The following EDC4 variants were observed in gnomAD, a reference collection of about 807,000 sequenced individuals.
The protein encoded by EDC4 is enhancer of mRNA-decapping protein 4.
EDC4 carries 64 observed loss-of-function variants against 155.8 expected under a neutral mutation model. The observed-to-expected ratio is 0.41, with a 90% CI of 0.34 to 0.51. The LOEUF is 0.51. Among genes scored for constraint, EDC4 ranks in the 20% least tolerant of loss-of-function variants. The probability of loss-of-function intolerance (pLI) is 0.19; values close to 1 mark genes in which losing one functional copy is unlikely to be tolerated. For synonymous variants in EDC4, 684 were observed against 716.8 expected, an observed-to-expected ratio of 0.95 and a Z score of 0.73; for missense variants, 1,303 against 1,812.5, an observed-to-expected ratio of 0.72 and a Z score of 5.10.
rs1437022275 is a variant in EDC4 at position 67,883,086 on chromosome 16, C to T, written c.3758C>T (p.Pro1253Leu). The stretch of plus-strand genomic sequence containing the variant: ...GCCATGCGCTCAGCTGCTGGCACAC[C>T]TGTCCCCTCTGCCCACCTTGACTGC... The part of the protein sequence containing the change: ...MQAMRSAAGT[P>L]VPSAHLDCQA... The change falls in exon 27 of 29, where the codon CCT (proline) becomes CTT (leucine). Residue 1253 changes from proline to leucine, a missense_variant. Physicochemically the swap from Pro to Leu is moderately conservative, Grantham distance 98 (BLOSUM62 -3). Around this residue, in one of 5 missense-constraint regions of EDC4, gnomAD observed 527 missense variants for 757.0 expected, o/e 0.70. Coordinates refer to ENST00000358933, the MANE Select transcript of EDC4 (RefSeq NM_014329.5). This position sits in a 1 kb window ranked among gnomAD's most constrained non-coding sequence, Gnocchi z 5.3. 6.2e-7 allele frequency: 1 copy of T among 1,612,490 alleles called. No individual in the cohort carries two copies.
In EDC4 at chr16:67,880,088, C is replaced by T. The variant is rs1270625708; in HGVS notation, c.1969C>T (p.Pro657Ser). 2 of 1,610,186 alleles carry T rather than the reference C, an allele frequency of 1.2e-6. No homozygotes were observed. Among genetic ancestry groups the T allele is most frequent in the Non-Finnish European group, 1.7e-6 (2 of 1,177,776 alleles). The stretch of plus-strand genomic sequence containing the variant: ...GCCACCTGAGGAGCTGACCTTGAGC[C>T]CCAAGCTGCAGCTGGATGGCAGCCT... ...TRPPEELTLS[P>S]KLQLDGSLTM... The change falls in exon 17 of 29, where the codon CCC (proline) becomes TCC (serine). Residue 657 changes from proline (P) to serine (S), a missense_variant. By Grantham distance (74) the Pro-to-Ser change is moderately conservative. Around this residue, in one of 5 missense-constraint regions of EDC4, gnomAD observed 391 missense variants for 445.4 expected, o/e 0.88. Transcript: ENST00000358933. This position sits in a 1 kb window ranked among gnomAD's most constrained non-coding sequence, Gnocchi z 5.2.
In EDC4 at chr16:67,880,226, T is replaced by G; in HGVS notation, c.2097+10T>G. The G allele has an allele frequency of 6.3e-7, 1 of 1,591,596 alleles. No individual in the cohort carries two copies. Among genetic ancestry groups the G allele is most frequent in the South Asian group, 1.1e-5 (1 of 89,080 alleles). On this transcript the variant is annotated intron_variant, in intron 17 of 28. Transcript: ENST00000358933. This position sits in a 1 kb window ranked among gnomAD's most constrained non-coding sequence, Gnocchi z 5.2. ...CAAGGGGCCGGGCCAGGTGTGTGAC[T>G]GGGTGTGTGTGTGAAGTGTGGGGAG...
chr16:67,879,272 GC>G lies in EDC4; in HGVS notation c.1506del (p.Gly503ValfsTer25). The G allele has an allele frequency of 6.2e-7, 1 of 1,614,196 alleles. No homozygotes were observed. Among genetic ancestry groups the G allele is most frequent in the African/African-American group, 1.3e-5 (1 of 75,048 alleles). ...TGGAGCCGGTGCCATGGAGTCTGCG[GC>G]CGGTGTGCTCATCAAGCTCTTTTGT... ...THGAGAMESA[A>X]GVLIKLFCVH... On this transcript the variant is annotated frameshift_variant, in exon 13 of 29. Coordinates refer to ENST00000358933, the MANE Select transcript of EDC4 (RefSeq NM_014329.5). LOFTEE classifies it high-confidence loss of function. The surrounding 1 kb of genome is among the most constrained non-coding windows in gnomAD (Gnocchi z 6.0).
rs775957865 is a variant in EDC4, at chr16:67,879,787, G to C, written c.1821+13G>C. The C allele has an allele frequency of 6.2e-7, 1 of 1,613,608 alleles. No homozygotes were observed. Among genetic ancestry groups the C allele is most frequent in the South Asian group, 1.1e-5 (1 of 91,076 alleles). On this transcript the variant is annotated intron_variant, in intron 15 of 28. Coordinates refer to ENST00000358933, the MANE Select transcript of EDC4 (RefSeq NM_014329.5). The surrounding 1 kb of genome is among the most constrained non-coding windows in gnomAD (Gnocchi z 6.0). ...CTCCTTGCAGCAGGTACTCTCCCAG[G>C]GTAGGGGGACCTGGGAATGCCTCAG...
chr16:67,884,224 G>C lies in EDC4; in HGVS notation c.*76G>C, dbSNP rs929431574. On this transcript the variant is annotated 3_prime_UTR_variant, in exon 29 of 29. Transcript: ENST00000358933. The surrounding 1 kb of genome is among the most constrained non-coding windows in gnomAD (Gnocchi z 4.1). ...CAGGCCTAGGCTGGGGCAGGGTCACGGCTGGCCTTTACCTGCTCAGGCCCC... is the reference window on the plus strand; with the variant it reads ...CAGGCCTAGGCTGGGGCAGGGTCACCGCTGGCCTTTACCTGCTCAGGCCCC... 1 of 1,400,302 alleles carries C rather than the reference G, an allele frequency of 7.1e-7. No individual in the cohort carries two copies. The highest frequency in any genetic ancestry group is 9.6e-7 in the Non-Finnish European group (1 of 1,046,306). 86.7% of individuals were successfully genotyped at this position (1,400,302 alleles called of 1,614,324 possible).
In EDC4 at chr16:67,878,061, C is replaced by T; in HGVS notation, c.895-105C>T. On this transcript the variant is annotated intron_variant, in intron 7 of 28. Transcript: ENST00000358933. The surrounding 1 kb of genome is among the most constrained non-coding windows in gnomAD (Gnocchi z 5.2). ...AACCCTGTTCATTTAGTCAGTCACACAAGCATGCCAGTCCCACCGTGAGTC... is the reference window on the plus strand; with the variant it reads ...AACCCTGTTCATTTAGTCAGTCACATAAGCATGCCAGTCCCACCGTGAGTC... 6.5e-7 allele frequency: 1 copy of T among 1,541,044 alleles called. No homozygotes were observed. The highest frequency in any genetic ancestry group is 8.8e-7 in the Non-Finnish European group (1 of 1,140,856).
In EDC4 at chr16:67,884,198, A is replaced by T; in HGVS notation, c.*50A>T. The T allele has an allele frequency of 6.6e-7, 1 of 1,515,294 alleles. No homozygotes were observed. The highest frequency in any genetic ancestry group is 1.3e-5 in the South Asian group (1 of 79,930). 93.9% of individuals were successfully genotyped at this position (1,515,294 alleles called of 1,614,324 possible). ...GTGGGATGGCACTGAAGGCCAGCAG[A>T]CAGGCCTAGGCTGGGGCAGGGTCAC... On this transcript the variant is annotated 3_prime_UTR_variant, in exon 29 of 29. Transcript: ENST00000358933. The surrounding 1 kb of genome is among the most constrained non-coding windows in gnomAD (Gnocchi z 4.1).
In EDC4 at chr16:67,880,999, C is replaced by T. The variant is rs1212776529; in HGVS notation, c.2531+9C>T. 1 of 1,613,510 alleles carries T rather than the reference C, an allele frequency of 6.2e-7. No individual in the cohort carries two copies. Among genetic ancestry groups the T allele is most frequent in the Non-Finnish European group, 8.5e-7 (1 of 1,179,718 alleles). The stretch of plus-strand genomic sequence containing the variant: ...AGCACCCTGGCAGAAAGGTGAGGAG[C>T]TTGGGAGGGGAAAAGTGTGCTAGCA... On this transcript the variant is annotated intron_variant, in intron 18 of 28. Transcript: ENST00000358933. The surrounding 1 kb of genome is among the most constrained non-coding windows in gnomAD (Gnocchi z 5.2).
chr16:67,882,942 T>C lies in EDC4; in HGVS notation c.3630-16T>C, dbSNP rs1270528971. The stretch of plus-strand genomic sequence containing the variant: ...AGGCTCCCTGTCCACTTCACCTCAC[T>C]CACTTCCCTTTGCAGCCTGCAGGAG... On this transcript the variant is annotated splice_polypyrimidine_tract_variant and intron_variant, in intron 26 of 28. Transcript: ENST00000358933. This position sits in a 1 kb window ranked among gnomAD's most constrained non-coding sequence, Gnocchi z 7.2. 3.7e-6 allele frequency: 6 copies of C among 1,613,602 alleles called. No individual in the cohort carries two copies. The highest frequency in any genetic ancestry group is 5.1e-6 in the Non-Finnish European group (6 of 1,179,648).
Position 67,881,489 on chromosome 16 carries a change from T to C in EDC4, c.2790-8T>C, listed in dbSNP as rs1252189459. The C allele has an allele frequency of 2.5e-6, 4 of 1,614,138 alleles. No homozygotes were observed. Among genetic ancestry groups the C allele is most frequent in the Non-Finnish European group, 3.4e-6 (4 of 1,180,038 alleles). On this transcript the variant is annotated splice_polypyrimidine_tract_variant and splice_region_variant and intron_variant, in intron 20 of 28. Transcript: ENST00000358933. This position sits in a 1 kb window ranked among gnomAD's most constrained non-coding sequence, Gnocchi z 5.4. The stretch of plus-strand genomic sequence containing the variant: ...CACATAGCCTGAGGTGCTTCTCGCC[T>C]ATGGCAGGGATGCAGCCATGGGATC...
In EDC4 at chr16:67,880,219, G is replaced by A. The variant is rs758670661; in HGVS notation, c.2097+3G>A. ...TGACTCCCAAGGGGCCGGGCCAGGT[G>A]TGTGACTGGGTGTGTGTGTGAAGTG... is the stretch of plus-strand genomic sequence containing the variant. On this transcript the variant is annotated splice_donor_region_variant and intron_variant, in intron 17 of 28. Transcript: ENST00000358933. The surrounding 1 kb of genome is among the most constrained non-coding windows in gnomAD (Gnocchi z 5.2). The A allele has an allele frequency of 6.3e-6, 10 of 1,594,788 alleles. No individual in the cohort carries two copies. The highest frequency in any genetic ancestry group is 3.4e-5 in the South Asian group (3 of 89,426).
At position 67,884,345 on chromosome 16, in the gene EDC4, AT is replaced by A; in HGVS notation, c.*199del. ...AGGTTTAGCTGGGCCCAGGGCAGGT[AT>A]TGCGCCTGCTTGGGTTCTGCCATGC... is the stretch of plus-strand genomic sequence containing the variant. On this transcript the variant is annotated 3_prime_UTR_variant, in exon 29 of 29. Transcript: ENST00000358933. The surrounding 1 kb of genome is among the most constrained non-coding windows in gnomAD (Gnocchi z 4.1). 1 of 578,418 alleles carries A rather than the reference AT, an allele frequency of 1.7e-6. No individual in the cohort carries two copies. Among genetic ancestry groups the A allele is most frequent in the Non-Finnish European group, 3.0e-6 (1 of 334,534 alleles). 35.8% of individuals were successfully genotyped at this position (578,418 alleles called of 1,614,324 possible).
In EDC4 at chr16:67,876,993, G is replaced by A. The variant is rs1377986390; in HGVS notation, c.451+21G>A. 6.2e-7 allele frequency: 1 copy of A among 1,612,566 alleles called. No homozygotes were observed. Among genetic ancestry groups the A allele is most frequent in the African/African-American group, 1.3e-5 (1 of 74,916 alleles). On this transcript the variant is annotated intron_variant, in intron 4 of 28. Transcript: ENST00000358933. The surrounding 1 kb of genome is among the most constrained non-coding windows in gnomAD (Gnocchi z 5.8). ...TCGGGGTGAGTAAAGACAGTGAGGA[G>A]GAAGGAATGTTCTGCTGGATGTCCC...
In EDC4 at chr16:67,882,733, C is replaced by T; in HGVS notation, c.3497C>T (p.Ala1166Val). ...AGCCGGAAGGCACGGGAACAGGAGG[C>T]CAGGGAGCCTGTGCTAGCCCAGCTG... ...MKSRKAREQEAREPVLAQLRG... is the reference protein window; with the variant it reads ...MKSRKAREQEVREPVLAQLRG... The change falls in exon 26 of 29, where the codon GCC (alanine) becomes GTC (valine). Residue 1166 changes from alanine to valine, a missense_variant. This residue lies in a region of EDC4 where 527 missense variants were observed against 757.0 expected (regional missense o/e 0.70). Transcript: ENST00000358933. This position sits in a 1 kb window ranked among gnomAD's most constrained non-coding sequence, Gnocchi z 7.2. 6.2e-7 allele frequency: 1 copy of T among 1,614,268 alleles called. No homozygotes were observed. Among genetic ancestry groups the T allele is most frequent in the South Asian group, 1.1e-5 (1 of 91,088 alleles).
At position 67,876,483 on chromosome 16, in the gene EDC4, C is replaced by T. The variant is rs1409677109; in HGVS notation, c.240-5C>T. The T allele has an allele frequency of 1.9e-6, 3 of 1,613,580 alleles. No homozygotes were observed. Among genetic ancestry groups the T allele is most frequent in the South Asian group, 2.2e-5 (2 of 91,050 alleles). Reference sequence around the variant, plus strand: ...GAGGCAAAGTTTTTGCACTCTTCCCCACAGCTGTCTCTCAGGAGATGATAG... The same window carrying T: ...GAGGCAAAGTTTTTGCACTCTTCCCTACAGCTGTCTCTCAGGAGATGATAG... On this transcript the variant is annotated splice_region_variant and splice_polypyrimidine_tract_variant and intron_variant, in intron 2 of 28. Coordinates refer to ENST00000358933, the MANE Select transcript of EDC4 (RefSeq NM_014329.5). This position sits in a 1 kb window ranked among gnomAD's most constrained non-coding sequence, Gnocchi z 5.8.
chr16:67,880,327 T>G lies in EDC4; in HGVS notation c.2097+111T>G. The G allele has an allele frequency of 6.8e-7, 1 of 1,466,832 alleles. No homozygotes were observed. Among genetic ancestry groups the G allele is most frequent in the Non-Finnish European group, 9.1e-7 (1 of 1,103,244 alleles). 90.9% of individuals were successfully genotyped at this position (1,466,832 alleles called of 1,614,324 possible). On this transcript the variant is annotated intron_variant, in intron 17 of 28. Transcript: ENST00000358933. The surrounding 1 kb of genome is among the most constrained non-coding windows in gnomAD (Gnocchi z 5.2). ...GCTGCTGATCCTGCTCTACCCGACA[T>G]GGTCCGTGTTTCCCTGAGGTCATTT...
In EDC4 at chr16:67,879,550, G is replaced by T. The variant is rs752770909; in HGVS notation, c.1634-37G>T. The T allele has an allele frequency of 1.3e-5, 21 of 1,613,746 alleles. No individual in the cohort carries two copies. In the South Asian group the frequency reaches 2.1e-4, roughly 16 times the overall value. ...GGTAGGGTAAGTTGGACTGACCAGG[G>T]TCTGAGATCTAACTCAAGTGGCAAC... On this transcript the variant is annotated intron_variant, in intron 14 of 28. Transcript: ENST00000358933. The surrounding 1 kb of genome is among the most constrained non-coding windows in gnomAD (Gnocchi z 6.0).
rs774085904 is a variant in EDC4 at position 67,876,796 on chromosome 16, T to G, written c.352-77T>G. On this transcript the variant is annotated intron_variant, in intron 3 of 28. Coordinates refer to ENST00000358933, the MANE Select transcript of EDC4 (RefSeq NM_014329.5). The surrounding 1 kb of genome is among the most constrained non-coding windows in gnomAD (Gnocchi z 5.8). ...GGTAGCTGGACTTGCATCTGTGTCC[T>G]CTCCCATCCCCAGGGATGTTGGGGG... The G allele has an allele frequency of 7.6e-6, 12 of 1,585,998 alleles. No homozygotes were observed. The highest frequency in any genetic ancestry group is 1.0e-5 in the Non-Finnish European group (12 of 1,165,884).
chr16:67,879,795 G>A lies in EDC4; in HGVS notation c.1821+21G>A. 6.2e-7 allele frequency: 1 copy of A among 1,613,448 alleles called. No individual in the cohort carries two copies. Among genetic ancestry groups the A allele is most frequent in the Non-Finnish European group, 8.5e-7 (1 of 1,179,516 alleles). Reference sequence around the variant, plus strand: ...AGCAGGTACTCTCCCAGGGTAGGGGGACCTGGGAATGCCTCAGCCACAGGC... The same window carrying A: ...AGCAGGTACTCTCCCAGGGTAGGGGAACCTGGGAATGCCTCAGCCACAGGC... On this transcript the variant is annotated intron_variant, in intron 15 of 28. Transcript: ENST00000358933. This position sits in a 1 kb window ranked among gnomAD's most constrained non-coding sequence, Gnocchi z 6.0.
Sources: allele counts gnomAD v4.1 joint callset, GRCh38; gene constraint gnomAD v4.1.1; regional missense constraint gnomAD v4.1.1; non-coding constraint Gnocchi (gnomAD v3.1); transcripts MANE v1.5; gene names NCBI Gene and HGNC (gene_info 2026-07-23, HGNC 2026-07-21).